The following CCDC38 variants were observed in gnomAD, a reference collection of about 807,000 sequenced individuals.
The protein encoded by CCDC38 is coiled-coil domain-containing protein 38.
In CCDC38, 69 loss-of-function variants were observed where a neutral mutation model predicts 72.8. The ratio of observed to expected loss-of-function variants is 0.95; its 90% CI spans 0.78 to 1.16. The LOEUF is 1.16. Among genes scored for constraint, CCDC38 ranks in the 50% most tolerant of loss-of-function variants. The pLI is 0.00. For synonymous variants in CCDC38, 201 were observed against 213.2 expected (o/e 0.94, Z 0.50); for missense variants, 626 against 638.9 (o/e 0.98, Z 0.22).
intron 1 of CCDC38, among the ~76,000 whole-genome samples, chr12:95,939,817 G>C (rs1430584465): frequency 1.3e-5 from 2 of 152,146 alleles, no homozygotes; most frequent in African/African-American, 4.8e-5. Flanking sequence ...ATTATATGTG[G>C]TCTCTGAGTC....
At chr12:95,919,849 C>A (rs1403450294) in intron 2 of CCDC38, among the ~76,000 whole-genome samples, 1 of 152,128 alleles carries the variant, frequency 6.6e-6, no homozygotes, top group East Asian at 1.9e-4. Context: ...TGCTGGAGAG[C>A]ATGTGGAGAA....
intron 8 of CCDC38, among the ~76,000 whole-genome samples, chr12:95,892,583 CTTTTT>C (rs577335624): frequency 1.7e-5 from 2 of 121,210 alleles, no homozygotes; most frequent in Non-Finnish European, 1.8e-5. Context: ...GGCTTAAATT[CTTTTT>C]TTTTTTTTTT....
intron 2 of CCDC38, chr12:95,919,571 A>G: frequency 4.4e-6 from 2 of 456,114 alleles, no homozygotes; most frequent in Admixed American, 4.7e-5. Flanking sequence ...TCTCCTGGGT[A>G]GAAGTCACAG....
intron 14 of CCDC38, among the ~76,000 whole-genome samples, chr12:95,871,151 G>A (rs530387709): frequency 1.1e-4 from 16 of 152,152 alleles, no homozygotes; most frequent in Admixed American, 4.6e-4. Flanking sequence ...CAGTAAGCTA[G>A]GGGTCATATT....
At position 95,878,235 on chromosome 12, in the gene CCDC38, A is replaced by G. The variant is rs79562656; in HGVS notation, c.1254T>C (p.Phe418=). Residue 418 remains phenylalanine, a synonymous_variant, in exon 13 of 16, where the codon TTT becomes TTC. Coordinates refer to ENST00000344280, the MANE Select transcript of CCDC38 (RefSeq NM_182496.3). ...ELQLKSKLFS[F]GEFNSDAQEI... ...CCTGAGCATCTGAATTAAATTCTCC[A>G]AAGCTAAAGAGCTTGGACTTTAATT... The G allele has an allele frequency of 1.1e-3, 1,803 of 1,613,502 alleles. 29 individuals are homozygous for G. In the African/African-American group the frequency reaches 0.021, roughly 19 times the overall value.
chr12:95,901,281 A>G, intron 5 of CCDC38, among the ~76,000 whole-genome samples: 1 of 152,324 alleles, frequency 6.6e-6, no homozygotes, highest in East Asian at 1.9e-4. Context: ...ATTGCTATTT[A>G]GTGAGCCAGG....
At chr12:95,937,160 C>A (rs1310030494) in intron 1 of CCDC38, among the ~76,000 whole-genome samples, 1 of 152,076 alleles carries the variant, frequency 6.6e-6, no homozygotes, top group Non-Finnish European at 1.5e-5. Flanking sequence ...CAAATAAATG[C>A]AGGAAATTCT....
At chr12:95,897,564 C>G (rs1437345642) in intron 7 of CCDC38, among the ~76,000 whole-genome samples, 1 of 137,364 alleles carries the variant, frequency 7.3e-6, no homozygotes, top group Non-Finnish European at 1.5e-5. Flanking sequence ...GAGCCGAGAT[C>G]ATGCCATTGC....
At position 95,879,245 on chromosome 12, in the gene CCDC38, A is replaced by G. The variant is rs1008189499; in HGVS notation, c.1142+399T>C. Among the ~76,000 whole-genome samples, 2 of 152,190 alleles carry G rather than the reference A, an allele frequency of 1.3e-5. No individual in the cohort carries two copies. Among genetic ancestry groups the G allele is most frequent in the Non-Finnish European group, 2.9e-5 (2 of 68,026 alleles). ...TAATCACAAAAATTATTTTTCTGAG[A>G]GTCACAGCCAATGAAAATACATTTG... On this transcript the variant is annotated intron_variant, in intron 12 of 15. Transcript: ENST00000344280. This position sits in a 1 kb window ranked among gnomAD's most constrained non-coding sequence, Gnocchi z 5.5.
intron 2 of CCDC38, among the ~76,000 whole-genome samples, chr12:95,923,965 C>T (rs1413431749): frequency 3.0e-5 from 4 of 134,782 alleles, no homozygotes; most frequent in Admixed American, 7.6e-5. Context: ...GGGTTGGTTC[C>T]AAGTCTTTGC....
At chr12:95,904,010 G>A (rs2079976117) in intron 5 of CCDC38, among the ~76,000 whole-genome samples, 1 of 149,048 alleles carries the variant, frequency 6.7e-6, no homozygotes, top group African/African-American at 2.5e-5. Flanking sequence ...ATAAATCTGG[G>A]TTTTTCTTTG....
chr12:95,898,793 T>G (rs1409154452), intron 5 of CCDC38, 62 bp from the exon 6 acceptor site: 14 of 1,463,052 alleles, frequency 9.6e-6, no homozygotes, highest in Non-Finnish European at 1.3e-5. Flanking sequence ...ATTTCAACAG[T>G]CTTATACACA....
intron 2 of CCDC38, chr12:95,935,586 C>A: frequency 4.0e-6 from 1 of 251,948 alleles, no homozygotes; most frequent in Non-Finnish European, 8.3e-6. Context: ...TTTTCTGTCT[C>A]TTGCAGCCAA....
In CCDC38 at chr12:95,869,512, G is replaced by C; in HGVS notation, c.1546C>G (p.Leu516Val). ...RHQQERLKAA[L>V]EKAVAQPKKK... ...TTTGGTTGTGCTACTGCTTTTTCCA[G>C]AGCAGCTTTTAGCCTTTCCTGTTGG... Residue 516 changes from leucine to valine, a missense_variant, in exon 15 of 16, where the codon CTG becomes GTG. Physicochemically the swap from Leu to Val is conservative, Grantham distance 32. Coordinates refer to ENST00000344280, the MANE Select transcript of CCDC38 (RefSeq NM_182496.3). 1 of 1,613,510 alleles carries C rather than the reference G, an allele frequency of 6.2e-7. No homozygotes were observed. The highest frequency in any genetic ancestry group is 8.5e-7 in the Non-Finnish European group (1 of 1,179,828).
At chr12:95,906,320 TA>T in intron 5 of CCDC38, 66 bp downstream of exon 5, 3 of 1,158,736 alleles carry the variant, frequency 2.6e-6, no homozygotes, top group Non-Finnish European at 3.8e-6. Flanking sequence ...AATGTCAAGG[TA>T]AATATTTGAA....
intron 2 of CCDC38, chr12:95,933,073 T>C (rs2080354994): frequency 6.6e-6 from 1 of 152,116 alleles, no homozygotes; most frequent in South Asian, 2.1e-4. Context: ...GATAAAATTG[T>C]CCCCCAAAAA....
intron 2 of CCDC38, among the ~76,000 whole-genome samples, chr12:95,925,295 T>C (rs1171681472): frequency 1.3e-5 from 2 of 152,216 alleles, no homozygotes; most frequent in Admixed American, 1.3e-4. Flanking sequence ...TTATTCTCTT[T>C]GAAGCAATTG....
chr12:95,870,969 A>T (rs1365751835), intron 14 of CCDC38, among the ~76,000 whole-genome samples: 1 of 152,240 alleles, frequency 6.6e-6, no homozygotes, highest in Non-Finnish European at 1.5e-5. Context: ...GGATAAAGAA[A>T]CCGACTAGAG....
chr12:95,932,709 T>C (rs1433457799), intron 2 of CCDC38, among the ~76,000 whole-genome samples: 1 of 152,190 alleles, frequency 6.6e-6, no homozygotes, highest in East Asian at 1.9e-4. Flanking sequence ...CCACGAATGA[T>C]CAATGGATTC....
Sources: allele counts gnomAD v4.1 joint callset (sites outside exome capture counted in the v4.1 genomes callset), GRCh38; gene constraint gnomAD v4.1.1; non-coding constraint Gnocchi (gnomAD v3.1); transcripts MANE v1.5; gene names NCBI Gene and HGNC (gene_info 2026-07-23, HGNC 2026-07-21).